ADCY2: variants seen among roughly 807,000 people sequenced by gnomAD.
ADCY2 encodes the protein adenylate cyclase type 2.
ADCY2 carries 31 observed loss-of-function variants against 125.2 expected under a neutral mutation model. That is an observed-to-expected ratio of 0.25 (90% CI 0.19 to 0.33). The LOEUF is 0.33. ADCY2 is among the 10% of genes least tolerant of loss of function. ADCY2 has a pLI of 1.00. For missense variants in ADCY2, 904 were observed against 1,418.2 expected (o/e 0.64, Z 5.82); for synonymous variants, 512 against 548.4 (o/e 0.93, Z 0.93).
chr5:7,596,035 T>C (rs1395969249), intron 3 of ADCY2, among the ~76,000 whole-genome samples: 1 of 135,912 alleles, frequency 7.4e-6, no homozygotes, highest in East Asian at 2.0e-4. Context: ...TAGTTTAATA[T>C]AATCCTTTCT....
intron 4 of ADCY2, among the ~76,000 whole-genome samples, chr5:7,663,138 G>A (rs1256238534): frequency 6.6e-6 from 1 of 152,198 alleles, no homozygotes; most frequent in Non-Finnish European, 1.5e-5. Flanking sequence ...ATCACTAGCA[G>A]AATTCTTAAT....
intron 2 of ADCY2, among the ~76,000 whole-genome samples, chr5:7,419,713 TAGG>T (rs1485087620): frequency 6.6e-6 from 1 of 152,132 alleles, no homozygotes; most frequent in African/African-American, 2.4e-5. Context: ...TCCAAGGGCC[TAGG>T]TCACCTTCCA....
intron 3 of ADCY2, among the ~76,000 whole-genome samples, chr5:7,618,049 C>T (rs1368145222): frequency 1.3e-5 from 2 of 152,170 alleles, no homozygotes; most frequent in Non-Finnish European, 2.9e-5. Context: ...AATCACAGCA[C>T]TCAGTATTTT....
At chr5:7,557,175 A>G (rs1346407629) in intron 3 of ADCY2, among the ~76,000 whole-genome samples, 1 of 131,938 alleles carries the variant, frequency 7.6e-6, no homozygotes, top group Non-Finnish European at 1.8e-5. Context: ...TATAATAATC[A>G]CACATATTAT....
chr5:7,618,721 C>T (rs1414317036), intron 3 of ADCY2, among the ~76,000 whole-genome samples: 1 of 152,102 alleles, frequency 6.6e-6, no homozygotes, highest in Non-Finnish European at 1.5e-5. Flanking sequence ...GATGATCTGT[C>T]TAAATTAATG....
intron 3 of ADCY2, among the ~76,000 whole-genome samples, chr5:7,558,533 G>T (rs1205859838): frequency 6.6e-6 from 1 of 152,078 alleles, no homozygotes. Context: ...TAATGGGGTG[G>T]TTTGTTTTTT....
At chr5:7,695,651 A>T (rs147839766) in intron 5 of ADCY2, 101 bp from the exon 6 acceptor site, 41 of 612,354 alleles carry the variant, frequency 6.7e-5, no homozygotes, top group Non-Finnish European at 9.9e-5. Flanking sequence ...AATATAAAGT[A>T]TAAGCAAAAT....
intron 7 of ADCY2, among the ~76,000 whole-genome samples, chr5:7,701,319 A>G (rs1304352326): frequency 1.3e-5 from 2 of 152,184 alleles, no homozygotes; most frequent in African/African-American, 4.8e-5. Context: ...TTTTGAATGA[A>G]CTGTTTCCAG....
chr5:7,531,862 C>T (rs113403244), intron 3 of ADCY2, among the ~76,000 whole-genome samples: 2,537 of 152,228 alleles, frequency 0.017, 66 homozygotes, highest in African/African-American at 0.058. Flanking sequence ...AACTTTTGAG[C>T]GAGTCTACTT....
chr5:7,660,781 A>G (rs1739499496), intron 4 of ADCY2, among the ~76,000 whole-genome samples: 1 of 24,208 alleles, frequency 4.1e-5, no homozygotes, highest in Non-Finnish European at 1.0e-4. Context: ...AATGTTAATC[A>G]CATGTTAAAA....
At chr5:7,578,726 C>T (rs1736332059) in intron 3 of ADCY2, among the ~76,000 whole-genome samples, 1 of 152,146 alleles carries the variant, frequency 6.6e-6, no homozygotes, top group Admixed American at 6.5e-5. Context: ...CATATTTGAA[C>T]AGTCAATGTG....
intron 2 of ADCY2, among the ~76,000 whole-genome samples, chr5:7,472,259 C>T (rs62341496): frequency 0.026 from 3,965 of 152,142 alleles, 82 homozygotes; most frequent in Middle Eastern, 0.058. Context: ...ATTTGATTAG[C>T]CTATTTTGAT....
At chr5:7,646,277 T>C (rs1014764597) in intron 4 of ADCY2, among the ~76,000 whole-genome samples, 1 of 151,390 alleles carries the variant, frequency 6.6e-6, no homozygotes, top group Non-Finnish European at 1.5e-5. Context: ...TTGAGAGGTA[T>C]TGAGGTAATG....
chr5:7,618,417 T>C (rs1332592179), intron 3 of ADCY2, among the ~76,000 whole-genome samples: 1 of 152,186 alleles, frequency 6.6e-6, no homozygotes, highest in African/African-American at 2.4e-5. Context: ...ACCTTCTCCT[T>C]GTACCCACAA....
chr5:7,677,030 G>A (rs113325685), intron 4 of ADCY2, among the ~76,000 whole-genome samples: 50,500 of 151,872 alleles, frequency 0.33, 8,936 homozygotes, highest in Non-Finnish European at 0.38. Flanking sequence ...TAATCCCTGC[G>A]CTTTGGGAGG....
intron 1 of ADCY2, among the ~76,000 whole-genome samples, chr5:7,398,086 A>T (rs984424877): frequency 1.3e-5 from 2 of 152,204 alleles, no homozygotes; most frequent in Non-Finnish European, 2.9e-5. Context: ...TTTCCTTTGG[A>T]AATCTGTTCT....
intron 7 of ADCY2, among the ~76,000 whole-genome samples, chr5:7,703,364 C>G (rs188996126): frequency 6.6e-6 from 1 of 152,142 alleles, no homozygotes; most frequent in African/African-American, 2.4e-5. Context: ...TCAGGTCTAA[C>G]ATTTAAGTCT....
chr5:7,813,814 G>A (rs1471752234), intron 22 of ADCY2, among the ~76,000 whole-genome samples: 2 of 152,204 alleles, frequency 1.3e-5, no homozygotes, highest in Non-Finnish European at 2.9e-5. Flanking sequence ...TTCTCAAGGA[G>A]CGGAGCTTGT....
chr5:7,603,643 A>G (rs1307094333), intron 3 of ADCY2, among the ~76,000 whole-genome samples: 5 of 152,064 alleles, frequency 3.3e-5, no homozygotes, highest in Non-Finnish European at 5.9e-5. Context: ...AACTCACCAT[A>G]TGTAGGAGCA....
Sources: allele counts gnomAD v4.1 joint callset (sites outside exome capture counted in the v4.1 genomes callset), GRCh38; gene constraint gnomAD v4.1.1; transcripts MANE v1.5; gene names NCBI Gene and HGNC (gene_info 2026-07-23, HGNC 2026-07-21).